Variants in RELN observed in about 807,000 individuals in gnomAD.
RELN encodes reelin.
A neutral mutation model predicts 427.6 loss-of-function variants in RELN; 108 were observed. The ratio of observed to expected loss-of-function variants is 0.25; its 90% CI spans 0.22 to 0.30. RELN has a LOEUF of 0.30. Among genes scored for constraint, RELN ranks in the 10% least tolerant of loss-of-function variants. The pLI, the probability that RELN is intolerant of heterozygous loss-of-function variation, is 1.00. For synonymous variants in RELN, 1,524 were observed against 1,513.4 expected (o/e 1.01, Z -0.16); for missense variants, 3,715 against 4,302.8 (o/e 0.86, Z 3.82).
intron 3 of RELN, among the ~76,000 whole-genome samples, chr7:103,787,379 A>T (rs1057293214): frequency 6.6e-6 from 1 of 152,128 alleles, no homozygotes; most frequent in African/African-American, 2.4e-5. Flanking sequence ...TAAAAAAAAA[A>T]TCAATGAATC....
rs1832980371 is a variant in RELN, at chr7:103,654,194, C to G, written c.1453G>C (p.Asp485His). Reference sequence around the variant, plus strand: ...TCATTTTCATGAGAATTTCCAGGGTCACAAATTCCTCCTGCACAAAACAAA... The same window carrying G: ...TCATTTTCATGAGAATTTCCAGGGTGACAAATTCCTCCTGCACAAAACAAA... Reference protein sequence around the residue: ...RFYFVMGGICDPGNSHENDII... With the variant: ...RFYFVMGGICHPGNSHENDII... Residue 485 changes from aspartate to histidine, a missense_variant, in exon 13 of 65, where the codon GAC (aspartate) becomes CAC (histidine). Asp to His is a moderately conservative substitution (Grantham distance 81, BLOSUM62 -1). Transcript: ENST00000428762. 1 of 1,608,924 alleles carries G rather than the reference C, an allele frequency of 6.2e-7. No individual in the cohort carries two copies. The highest frequency in any genetic ancestry group is 1.3e-5 in the African/African-American group (1 of 74,878).
At chr7:103,526,763 C>T (rs559577392) in intron 46 of RELN, among the ~76,000 whole-genome samples, 2 of 152,042 alleles carry the variant, frequency 1.3e-5, no homozygotes, top group African/African-American at 2.4e-5. Flanking sequence ...TGCTACTTTC[C>T]GCCTCACAAG....
chr7:103,708,571 C>T (rs922916024), intron 8 of RELN, among the ~76,000 whole-genome samples: 17 of 148,774 alleles, frequency 1.1e-4, no homozygotes, highest in Non-Finnish European at 2.4e-4. Flanking sequence ...TCATGCCATT[C>T]TCCTGCCTCA....
intron 1 of RELN, among the ~76,000 whole-genome samples, chr7:103,976,105 T>C (rs1234374206): frequency 1.3e-5 from 2 of 152,140 alleles, no homozygotes; most frequent in East Asian, 3.9e-4. Flanking sequence ...AAGAGGCAGG[T>C]GCTACAGGGT....
intron 57 of RELN, among the ~76,000 whole-genome samples, chr7:103,493,596 T>C (rs1165547773): frequency 6.6e-6 from 1 of 152,084 alleles, no homozygotes; most frequent in East Asian, 1.9e-4. Flanking sequence ...TTCCTGATGG[T>C]GAGAATGTCT....
intron 8 of RELN, among the ~76,000 whole-genome samples, chr7:103,719,459 T>C (rs1790021458): frequency 6.6e-6 from 1 of 152,190 alleles, no homozygotes; most frequent in African/African-American, 2.4e-5. Context: ...AGAGATTTCA[T>C]GCTCTCTATG....
intron 63 of RELN, 136 bp downstream of exon 63, chr7:103,482,737 A>G (rs552154544): frequency 1.3e-6 from 2 of 1,538,528 alleles, no homozygotes; most frequent in East Asian, 2.4e-5. Flanking sequence ...TGCAGTTGCA[A>G]AAGAGTGTAA....
chr7:103,663,725 A>G (rs904811132), intron 11 of RELN, among the ~76,000 whole-genome samples: 1 of 152,036 alleles, frequency 6.6e-6, no homozygotes, highest in East Asian at 1.9e-4. Flanking sequence ...TTCCCCTTAG[A>G]TATTTGCTAC....
At chr7:103,658,400 C>A (rs557799256) in intron 12 of RELN, among the ~76,000 whole-genome samples, 12 of 152,220 alleles carry the variant, frequency 7.9e-5, no homozygotes, top group African/African-American at 2.9e-4. Flanking sequence ...TTCTAAATCT[C>A]TTTCCATATG....
chr7:103,675,931 T>A (rs138903843), intron 11 of RELN, among the ~76,000 whole-genome samples: 7 of 151,784 alleles, frequency 4.6e-5, no homozygotes, highest in African/African-American at 9.7e-5. Context: ...AAACCATAAA[T>A]ACCCTAGAAG....
intron 1 of RELN, among the ~76,000 whole-genome samples, chr7:103,949,692 G>A (rs1796297267): frequency 6.6e-6 from 1 of 152,150 alleles, no homozygotes; most frequent in Non-Finnish European, 1.5e-5. Context: ...GTTCAAATGT[G>A]AGGAAAAGAG....
intron 11 of RELN, among the ~76,000 whole-genome samples, chr7:103,662,437 G>A (rs1284415978): frequency 2.6e-5 from 4 of 151,882 alleles, no homozygotes; most frequent in Non-Finnish European, 5.9e-5. Context: ...CTGGCTAACA[G>A]GGTGAAACCC....
At chr7:103,539,044 T>C in intron 45 of RELN, 34 bp downstream of exon 45, 1 of 1,612,732 alleles carries the variant, frequency 6.2e-7, no homozygotes, top group South Asian at 1.1e-5. Context: ...CATGCCCACA[T>C]GCCTGTCCCT....
At chr7:103,495,243 CCT>C (rs1217562215) in intron 57 of RELN, among the ~76,000 whole-genome samples, 13 of 142,118 alleles carry the variant, frequency 9.1e-5, no homozygotes, top group African/African-American at 3.4e-4. Flanking sequence ...TATGATCTTG[CCT>C]CTCAGGTTTC....
intron 2 of RELN, among the ~76,000 whole-genome samples, chr7:103,886,707 C>T (rs1404759573): frequency 6.6e-6 from 1 of 152,290 alleles, no homozygotes; most frequent in East Asian, 1.9e-4. Context: ...ATTAAGGTCA[C>T]CTAAATTTAT....
intron 1 of RELN, among the ~76,000 whole-genome samples, chr7:103,939,640 T>C (rs994195031): frequency 3.3e-5 from 5 of 152,232 alleles, no homozygotes; most frequent in South Asian, 4.1e-4. Flanking sequence ...CTTTTACAAA[T>C]GTATCCTAAG....
chr7:103,979,959 C>G (rs530540360), intron 1 of RELN, among the ~76,000 whole-genome samples: 2 of 152,008 alleles, frequency 1.3e-5, no homozygotes, highest in Admixed American at 6.6e-5. Flanking sequence ...GTCGGGAGTG[C>G]GAGACCAACC....
intron 28 of RELN, among the ~76,000 whole-genome samples, chr7:103,587,529 A>G (rs78428066): frequency 0.01 from 1,561 of 152,282 alleles, 24 homozygotes; most frequent in African/African-American, 0.036. Flanking sequence ...GACAAGTGAG[A>G]CTCTGTTAAA....
chr7:103,518,233 T>C (rs80339723), intron 49 of RELN, among the ~76,000 whole-genome samples: 3,417 of 152,246 alleles, frequency 0.022, 145 homozygotes, highest in African/African-American at 0.078. Flanking sequence ...AACTGATATA[T>C]TGAATTTAAA....
Sources: gnomAD v4.1 joint callset for allele counts (sites outside exome capture counted in the v4.1 genomes callset) on GRCh38, gnomAD v4.1.1 for gene constraint, MANE v1.5 for transcripts, NCBI Gene and HGNC (gene_info 2026-07-23, HGNC 2026-07-21) for gene names.